Variants in PPFIA2 observed in about 807,000 individuals in gnomAD.
PPFIA2 encodes the protein PPFI scaffold protein A2.
Under a neutral mutation model 175.5 loss-of-function variants are expected in PPFIA2, and 46 were observed. The ratio of observed to expected loss-of-function variants is 0.26; its 90% CI spans 0.21 to 0.34. The LOEUF is 0.34. Among genes scored for constraint, PPFIA2 ranks in the 10% least tolerant of loss-of-function variants. PPFIA2 has a pLI of 1.00. For missense variants in PPFIA2, 1,179 were observed against 1,506.1 expected (o/e 0.78, Z 3.60); for synonymous variants, 568 against 511.4 (o/e 1.11, Z -1.49).
At chr12:81,726,855 T>C (rs1426001950) in intron 3 of PPFIA2, among the ~76,000 whole-genome samples, 2 of 151,298 alleles carry the variant, frequency 1.3e-5, no homozygotes, top group Non-Finnish European at 3.0e-5. Context: ...ACTGCTGTGA[T>C]GCAACAAAAT....
At chr12:81,592,061 C>T (rs2058734832) in intron 4 of PPFIA2, among the ~76,000 whole-genome samples, 1 of 152,108 alleles carries the variant, frequency 6.6e-6, no homozygotes, top group African/African-American at 2.4e-5. Flanking sequence ...CCTCTTGTAT[C>T]AGCATGAATG....
At chr12:81,486,290 A>G (rs575828027) in intron 4 of PPFIA2, among the ~76,000 whole-genome samples, 5 of 151,988 alleles carry the variant, frequency 3.3e-5, no homozygotes, top group African/African-American at 1.2e-4. Flanking sequence ...CTTATGTGGC[A>G]GAATTAGTAC....
At chr12:81,737,519 G>T (rs1306902928) in intron 3 of PPFIA2, among the ~76,000 whole-genome samples, 1 of 151,912 alleles carries the variant, frequency 6.6e-6, no homozygotes, top group Non-Finnish European at 1.5e-5. Context: ...CAAATGAGAT[G>T]ACTGTCACAC....
chr12:81,728,004 AAAACAAATGCAAAGTTG>A (rs1208318931), intron 3 of PPFIA2, among the ~76,000 whole-genome samples: 3 of 151,480 alleles, frequency 2.0e-5, no homozygotes, highest in Non-Finnish European at 4.4e-5. Flanking sequence ...AAAGGAGACT[AAAACAAATGCAAAGTTG>A]AAACATATTA....
chr12:81,440,752 A>G, intron 6 of PPFIA2, among the ~76,000 whole-genome samples: 1 of 151,064 alleles, frequency 6.6e-6, no homozygotes, highest in East Asian at 1.9e-4. Context: ...TATTTCTTTG[A>G]TTCTTGCTTT....
chr12:81,364,224 T>C (rs914060034), intron 14 of PPFIA2, among the ~76,000 whole-genome samples: 12 of 151,766 alleles, frequency 7.9e-5, no homozygotes, highest in Non-Finnish European at 7.4e-5. Flanking sequence ...TGTGGCTGGA[T>C]TGCAGAGGTT....
rs1029391662 is a variant in PPFIA2 at position 81,311,504 on chromosome 12, C to T, written c.2643-12122G>A. On this transcript the variant is annotated intron_variant, in intron 22 of 32. Transcript: ENST00000549396. ...GTCCCAGCACTTTGGGAGGCCGAGG[C>T]GGGTGGATCATGAGGTCAGGAGATC... is the stretch of plus-strand genomic sequence containing the variant. 7.2e-5 allele frequency among the ~76,000 whole-genome samples: 11 copies of T among 151,892 alleles called. No individual in the cohort carries two copies. The East Asian group carries it at 1.6e-3, about 21-fold the overall frequency.
intron 4 of PPFIA2, among the ~76,000 whole-genome samples, chr12:81,578,354 G>A (rs1413234635): frequency 6.6e-6 from 1 of 151,526 alleles, no homozygotes; most frequent in Non-Finnish European, 1.5e-5. Context: ...ACCAAATTAG[G>A]TATTATTATT....
chr12:81,570,159 T>C (rs1437657907), intron 4 of PPFIA2, among the ~76,000 whole-genome samples: 3 of 152,218 alleles, frequency 2.0e-5, no homozygotes, highest in Admixed American at 2.0e-4. Context: ...GTTAACATCA[T>C]ATATATTATC....
Position 81,485,709 on chromosome 12 carries a change from C to T in PPFIA2, c.304-27843G>A, listed in dbSNP as rs142095223. Among the ~76,000 whole-genome samples the T allele has an allele frequency of 7.8e-4, 119 of 151,878 alleles. 1 individual carries two copies. In the East Asian group the frequency reaches 0.021, roughly 27 times the overall value. On this transcript the variant is annotated intron_variant, in intron 4 of 32. Coordinates refer to ENST00000549396, the MANE Select transcript of PPFIA2 (RefSeq NM_003625.5). ...ATAACACAAGTCACAAAATAGTAAACAAATCACTTAAAATATAAGTTTCTA... is the reference window on the plus strand; with the variant it reads ...ATAACACAAGTCACAAAATAGTAAATAAATCACTTAAAATATAAGTTTCTA...
chr12:81,586,114 T>C (rs768464901), intron 4 of PPFIA2, among the ~76,000 whole-genome samples: 50 of 152,038 alleles, frequency 3.3e-4, no homozygotes, highest in Admixed American at 2.5e-3. Flanking sequence ...AACATTACAC[T>C]GTAGTTCAGA....
chr12:81,712,986 T>A (rs2078140880), intron 3 of PPFIA2, among the ~76,000 whole-genome samples: 1 of 151,198 alleles, frequency 6.6e-6, no homozygotes, highest in South Asian at 2.1e-4. Flanking sequence ...GGAGCCTACA[T>A]CTCAAAGTCT....
At chr12:81,332,937 A>G (rs1038134491) in intron 21 of PPFIA2, among the ~76,000 whole-genome samples, 1 of 152,208 alleles carries the variant, frequency 6.6e-6, no homozygotes, top group African/African-American at 2.4e-5. Flanking sequence ...TCTTAAAAGC[A>G]GAAATTTATT....
chr12:81,555,013 A>G (rs2068598493), intron 4 of PPFIA2, among the ~76,000 whole-genome samples: 1 of 152,034 alleles, frequency 6.6e-6, no homozygotes, highest in Non-Finnish European at 1.5e-5. Flanking sequence ...TCAAATCTCA[A>G]AAAAGTTTAT....
In PPFIA2 at chr12:81,384,029, A is replaced by G. The variant is rs900969141; in HGVS notation, c.978T>C (p.Ile326=). ...EEMNTKYQRD[I]REAMAQKEDM... ...AGTGGCATGAATCACTTACCTCCCT[A>G]ATGTCCCTTTGATACTTGGTGTTCA... The change falls in exon 9 of 33, where the codon ATT becomes ATC. Residue 326 remains isoleucine, a synonymous_variant. Transcript: ENST00000549396. The G allele has an allele frequency of 3.1e-6, 5 of 1,608,728 alleles. No homozygotes were observed. The African/African-American group carries it at 6.7e-5, about 22-fold the overall frequency.
intron 3 of PPFIA2, among the ~76,000 whole-genome samples, chr12:81,737,687 CAA>C (rs63215860): frequency 0.13 from 19,130 of 151,578 alleles, 1,444 homozygotes; most frequent in Non-Finnish European, 0.17. Context: ...AAAAACAAAA[CAA>C]ATGGAAAAGA....
intron 4 of PPFIA2, among the ~76,000 whole-genome samples, chr12:81,556,967 G>C (rs1027984907): frequency 6.6e-6 from 1 of 151,804 alleles, no homozygotes; most frequent in Non-Finnish European, 1.5e-5. Context: ...AAGTCAAGCT[G>C]TTAATTTCTT....
chr12:81,370,499 T>C (rs1201177940), intron 11 of PPFIA2, among the ~76,000 whole-genome samples: 1 of 151,898 alleles, frequency 6.6e-6, no homozygotes, highest in Non-Finnish European at 1.5e-5. Context: ...AAATTATCAA[T>C]TGACAACAAT....
intron 2 of PPFIA2, among the ~76,000 whole-genome samples, chr12:81,755,351 A>C (rs1052550980): frequency 2.0e-5 from 3 of 152,186 alleles, no homozygotes; most frequent in African/African-American, 7.2e-5. Context: ...TATGGCCAGC[A>C]GCTATTAATT....
Sources: gnomAD v4.1 joint callset for allele counts (sites outside exome capture counted in the v4.1 genomes callset) on GRCh38, gnomAD v4.1.1 for gene constraint, MANE v1.5 for transcripts, NCBI Gene and HGNC (gene_info 2026-07-23, HGNC 2026-07-21) for gene names.